Variants in WWC2 observed in about 807,000 individuals in gnomAD.
WWC2 encodes the protein WW and C2 domain containing 2, also known as protein WWC2.
In WWC2, 101 loss-of-function variants were observed where a neutral mutation model predicts 138.5. The ratio of observed to expected loss-of-function variants is 0.73; its 90% CI spans 0.62 to 0.86. The LOEUF (loss-of-function observed/expected upper bound fraction) is 0.86. Among genes scored for constraint, WWC2 ranks in the 40% least tolerant of loss-of-function variants. The pLI is 0.00. For synonymous variants in WWC2, 558 were observed against 538.4 expected (o/e 1.04, Z -0.50); for missense variants, 1,420 against 1,419.4 (o/e 1.00, Z -0.01).
chr4:183,155,853 T>G (rs1023141448), intron 1 of WWC2, among the ~76,000 whole-genome samples: 4 of 152,176 alleles, frequency 2.6e-5, no homozygotes, highest in African/African-American at 9.7e-5. Flanking sequence ...CTTTTTCCGG[T>G]TCTGTCTGTC....
intron 1 of WWC2, among the ~76,000 whole-genome samples, chr4:183,134,475 A>G (rs1733050000): frequency 6.6e-6 from 1 of 152,156 alleles, no homozygotes; most frequent in Non-Finnish European, 1.5e-5. Flanking sequence ...TTAGTTTTAC[A>G]AAGTTTGTAA....
intron 1 of WWC2, among the ~76,000 whole-genome samples, chr4:183,174,602 G>A (rs1197233215): frequency 6.6e-6 from 1 of 152,146 alleles, no homozygotes; most frequent in African/African-American, 2.4e-5. Context: ...TATTAAATCT[G>A]TGTAGTGTTT....
Position 183,193,566 on chromosome 4 carries a change from A to G in WWC2, c.132-33A>G, listed in dbSNP as rs1043271501. On this transcript the variant is annotated intron_variant, in intron 1 of 22. Coordinates refer to ENST00000403733, the MANE Select transcript of WWC2 (RefSeq NM_024949.6). ...TTGACATATGCGGTTTGACGGAAAGAATCACTGGTGTGTCAATTCTGGTTT... is the reference window on the plus strand; with the variant it reads ...TTGACATATGCGGTTTGACGGAAAGGATCACTGGTGTGTCAATTCTGGTTT... 7 of 1,595,112 alleles carry G rather than the reference A, an allele frequency of 4.4e-6. No individual in the cohort carries two copies. The African/African-American group carries it at 9.4e-5, about 21-fold the overall frequency.
intron 1 of WWC2, among the ~76,000 whole-genome samples, chr4:183,191,832 A>G (rs1314580884): frequency 6.6e-6 from 1 of 151,932 alleles, no homozygotes; most frequent in East Asian, 1.9e-4. Context: ...GGCTCAGGTG[A>G]TGCTCCCATC....
chr4:183,113,383 A>G (rs1732297419), intron 1 of WWC2, among the ~76,000 whole-genome samples: 1 of 151,736 alleles, frequency 6.6e-6, no homozygotes, highest in African/African-American at 2.4e-5. Flanking sequence ...AACCTATAGA[A>G]AGGGGTCCTA....
In WWC2 at chr4:183,253,749, T is replaced by A; in HGVS notation, c.954-8T>A. ...ATGTGCATACCTCTTCTATCTTTTT[T>A]TTTTTAGTATGGCCAACTTAAAAAT... is the stretch of plus-strand genomic sequence containing the variant. On this transcript the variant is annotated splice_region_variant and splice_polypyrimidine_tract_variant and intron_variant, in intron 8 of 22. Transcript: ENST00000403733. 1 of 1,604,374 alleles carries A rather than the reference T, an allele frequency of 6.2e-7. No individual in the cohort carries two copies. Among genetic ancestry groups the A allele is most frequent in the Non-Finnish European group, 8.5e-7 (1 of 1,177,472 alleles).
At chr4:183,257,052 T>C (rs955032180) in intron 9 of WWC2, among the ~76,000 whole-genome samples, 8 of 152,166 alleles carry the variant, frequency 5.3e-5, no homozygotes, top group African/African-American at 1.9e-4. Flanking sequence ...AAAAAAACCA[T>C]GCAGGGAAGG....
At chr4:183,156,629 G>T (rs1000123222) in intron 1 of WWC2, among the ~76,000 whole-genome samples, 3 of 152,124 alleles carry the variant, frequency 2.0e-5, no homozygotes, top group African/African-American at 4.8e-5. Context: ...ACCACGCCCG[G>T]CACCTTTGTT....
At chr4:183,228,754 G>A (rs985635606) in intron 4 of WWC2, among the ~76,000 whole-genome samples, 2 of 152,038 alleles carry the variant, frequency 1.3e-5, no homozygotes, top group African/African-American at 2.4e-5. Flanking sequence ...AAAGCTGAAC[G>A]TGTGCATGCA....
At chr4:183,145,382 TAAA>T (rs1396476001) in intron 1 of WWC2, among the ~76,000 whole-genome samples, 2 of 152,198 alleles carry the variant, frequency 1.3e-5, no homozygotes, top group African/African-American at 4.8e-5. Flanking sequence ...ACAACAGTAT[TAAA>T]GAAGAGTTTA....
rs1580113243 is a variant in WWC2, at chr4:183,253,769, A to C, written c.966A>C (p.Leu322Phe). 6.2e-7 allele frequency: 1 copy of C among 1,608,368 alleles called. No homozygotes were observed. The change falls in exon 9 of 23, where the codon TTA becomes TTC. Residue 322 changes from leucine (L) to phenylalanine (F), a missense_variant. Coordinates refer to ENST00000403733, the MANE Select transcript of WWC2 (RefSeq NM_024949.6). ...YEEAKRSMAN[L>F]KIELSKLDSE... ...TTTTTTTTTTTAGTATGGCCAACTT[A>C]AAAATTGAACTGTCAAAATTGGACA...
chr4:183,239,963 G>A (rs921800742), intron 4 of WWC2, among the ~76,000 whole-genome samples: 1 of 152,202 alleles, frequency 6.6e-6, no homozygotes, highest in African/African-American at 2.4e-5. Flanking sequence ...GTAAGGTAAT[G>A]AAGGTAAATA....
chr4:183,125,403 CATT>C (rs1732729396), intron 1 of WWC2, among the ~76,000 whole-genome samples: 1 of 152,132 alleles, frequency 6.6e-6, no homozygotes, highest in South Asian at 2.1e-4. Context: ...AATTCTTTAT[CATT>C]TACAAAAATG....
intron 1 of WWC2, among the ~76,000 whole-genome samples, chr4:183,151,222 A>T (rs1433204978): frequency 2.0e-5 from 3 of 152,208 alleles, no homozygotes; most frequent in African/African-American, 7.2e-5. Context: ...CTTTTTAATG[A>T]TCGCTGTTCT....
intron 1 of WWC2, among the ~76,000 whole-genome samples, chr4:183,102,201 C>T (rs1016315977): frequency 6.6e-6 from 1 of 152,150 alleles, no homozygotes; most frequent in East Asian, 1.9e-4. Flanking sequence ...TCCCTCTAAA[C>T]CTCCATTTTT....
intron 4 of WWC2, among the ~76,000 whole-genome samples, chr4:183,238,201 A>C (rs1013928226): frequency 1.3e-5 from 2 of 152,144 alleles, no homozygotes; most frequent in Non-Finnish European, 2.9e-5. Context: ...TTCTCCAGGA[A>C]AGCACCTTCG....
intron 1 of WWC2, among the ~76,000 whole-genome samples, chr4:183,154,312 G>A (rs570132800): frequency 4.6e-5 from 7 of 152,156 alleles, no homozygotes; most frequent in Non-Finnish European, 8.8e-5. Context: ...AGGGGTTATA[G>A]AAGGACCTTA....
chr4:183,239,485 A>G (rs1199180170), intron 4 of WWC2, among the ~76,000 whole-genome samples: 1 of 152,210 alleles, frequency 6.6e-6, no homozygotes, highest in Non-Finnish European at 1.5e-5. Flanking sequence ...TATATATTTG[A>G]CAACAGGAAA....
intron 4 of WWC2, among the ~76,000 whole-genome samples, chr4:183,220,222 C>A (rs1735882500): frequency 6.6e-6 from 1 of 152,080 alleles, no homozygotes; most frequent in African/African-American, 2.4e-5. Flanking sequence ...GACAACTCAG[C>A]CTGGCTAACA....
Sources: gnomAD v4.1 joint callset for allele counts (sites outside exome capture counted in the v4.1 genomes callset) on GRCh38, gnomAD v4.1.1 for gene constraint, MANE v1.5 for transcripts, NCBI Gene and HGNC (gene_info 2026-07-23, HGNC 2026-07-21) for gene names.